SAXO1: variants seen among roughly 807,000 people sequenced by gnomAD.
SAXO1 encodes 4930500O09Rik.
In SAXO1, 21 loss-of-function variants were observed where a neutral mutation model predicts 17.5. The ratio of observed to expected loss-of-function variants is 1.20; its 90% CI spans 0.85 to 1.72. The LOEUF (loss-of-function observed/expected upper bound fraction) is 1.72. Among genes scored for constraint, SAXO1 ranks in the 40% most tolerant of loss-of-function variants. The pLI is 0.00. For synonymous variants in SAXO1, 274 were observed against 216.5 expected, an observed-to-expected ratio of 1.27 and a Z score of -2.33; for missense variants, 843 against 596.0, an observed-to-expected ratio of 1.41 and a Z score of -4.32.
intron 1 of SAXO1, among the ~76,000 whole-genome samples, chr9:18,971,960 T>A (rs1034040039): frequency 6.6e-6 from 1 of 152,050 alleles, no homozygotes; most frequent in Non-Finnish European, 1.5e-5. Flanking sequence ...AGAGCCAGGT[T>A]TTGCTTTTGT....
chr9:19,025,185 GTTTTTCTTT>G (rs1835422576), intron 1 of SAXO1, among the ~76,000 whole-genome samples: 1 of 152,002 alleles, frequency 6.6e-6, no homozygotes, highest in Non-Finnish European at 1.5e-5. Flanking sequence ...TAACGTGAAA[GTTTTTCTTT>G]TTTTTCTTGG....
intron 1 of SAXO1, among the ~76,000 whole-genome samples, chr9:19,017,491 A>C (rs946290342): frequency 2.0e-5 from 3 of 152,322 alleles, no homozygotes; most frequent in African/African-American, 7.2e-5. Flanking sequence ...CAGTTGTTGC[A>C]GCTACAGCAT....
chr9:19,046,759 G>A (rs1350017590), intron 1 of SAXO1, among the ~76,000 whole-genome samples: 1 of 151,940 alleles, frequency 6.6e-6, no homozygotes, highest in Admixed American at 6.6e-5. Flanking sequence ...CTAGCTACTT[G>A]GGAGGCTGGC....
chr9:18,970,969 T>C (rs906100793), intron 1 of SAXO1, among the ~76,000 whole-genome samples: 3 of 152,104 alleles, frequency 2.0e-5, no homozygotes, highest in African/African-American at 7.2e-5. Flanking sequence ...CAGGAGTCTT[T>C]CCTTCTCTAA....
intron 1 of SAXO1, among the ~76,000 whole-genome samples, chr9:18,978,874 C>A (rs1288246441): frequency 6.6e-6 from 1 of 152,182 alleles, no homozygotes; most frequent in African/African-American, 2.4e-5. Context: ...TCTTCATGGG[C>A]TCCCACTTTC....
rs750990247 is a variant in SAXO1 at position 18,928,123 on chromosome 9, G to A, written c.1354C>T (p.Gln452Ter). Residue 452 changes from glutamine (Q) to a stop codon, truncating the protein, a stop_gained, in exon 4 of 4, where the codon CAG becomes TAG. Coordinates refer to ENST00000380534, the MANE Select transcript of SAXO1 (RefSeq NM_153707.4). LOFTEE classifies it low-confidence loss of function (END_TRUNC). ...IYKPVSQAGS[Q>*]QSSHLSVDDS... ...TCTACAGAAAGATGGCTGCTCTGCT[G>A]AGAGCCTGCCTGGGAAACTGGTTTG... is the stretch of plus-strand genomic sequence containing the variant. 8.1e-6 allele frequency: 13 copies of A among 1,614,056 alleles called. 1 individual carries two copies. In the East Asian group the frequency reaches 2.0e-4, roughly 25 times the overall value.
upstream of SAXO1, among the ~76,000 whole-genome samples, chr9:19,037,847 T>A (rs1426236226): frequency 1.3e-5 from 2 of 152,200 alleles, no homozygotes; most frequent in Admixed American, 6.5e-5. Flanking sequence ...ACAACTGACA[T>A]AAATCTATCA....
At chr9:18,978,647 T>A (rs896441897) in intron 1 of SAXO1, among the ~76,000 whole-genome samples, 1 of 152,232 alleles carries the variant, frequency 6.6e-6, no homozygotes, top group Non-Finnish European at 1.5e-5. Context: ...GTGAAAATAA[T>A]TGCCCGTTAT....
At chr9:18,960,365 C>T (rs1215333163) in intron 1 of SAXO1, among the ~76,000 whole-genome samples, 1 of 152,146 alleles carries the variant, frequency 6.6e-6, no homozygotes, top group East Asian at 1.9e-4. Flanking sequence ...TATCTCTTCA[C>T]TACTCCTTTT....
chr9:19,039,968 A>C (rs560034907), intron 1 of SAXO1, among the ~76,000 whole-genome samples: 1 of 152,290 alleles, frequency 6.6e-6, no homozygotes, highest in East Asian at 1.9e-4. Context: ...ACCTCAGGTG[A>C]TCTGCCCGCC....
chr9:19,020,852 A>C (rs1835201131), intron 1 of SAXO1, among the ~76,000 whole-genome samples: 1 of 152,176 alleles, frequency 6.6e-6, no homozygotes, highest in Non-Finnish European at 1.5e-5. Flanking sequence ...AACAATGGTG[A>C]CATTGTTTTA....
intron 1 of SAXO1, among the ~76,000 whole-genome samples, chr9:18,970,506 A>C (rs1231517069): frequency 6.6e-6 from 1 of 152,166 alleles, no homozygotes; most frequent in Non-Finnish European, 1.5e-5. Flanking sequence ...GTTCAGGCAA[A>C]GAACTGGAAG....
At chr9:19,036,339 T>G (rs1038404779), upstream of SAXO1, among the ~76,000 whole-genome samples, 6 of 151,974 alleles carry the variant, frequency 3.9e-5, no homozygotes, top group East Asian at 1.2e-3. Context: ...CTGCAGAAAT[T>G]TGCATAAGTG....
chr9:19,034,391 T>A (rs180945130), upstream of SAXO1, among the ~76,000 whole-genome samples: 440 of 151,500 alleles, frequency 2.9e-3, 8 homozygotes, highest in Admixed American at 0.027. Context: ...GTTTTCATAT[T>A]TTTTAATGGT....
At chr9:19,040,848 C>G (rs139105208) in intron 1 of SAXO1, among the ~76,000 whole-genome samples, 182 of 151,884 alleles carry the variant, frequency 1.2e-3, no homozygotes, top group African/African-American at 4.0e-3. Context: ...TGGAAATACT[C>G]TAAAATTGAG....
At chr9:18,954,310 T>TG (rs1367658874) in intron 1 of SAXO1, among the ~76,000 whole-genome samples, 4 of 152,042 alleles carry the variant, frequency 2.6e-5, no homozygotes, top group Non-Finnish European at 4.4e-5. Flanking sequence ...TAACAAAACT[T>TG]GGAGCATTGG....
At chr9:19,016,081 C>T (rs1365157315) in intron 1 of SAXO1, among the ~76,000 whole-genome samples, 2 of 152,176 alleles carry the variant, frequency 1.3e-5, no homozygotes, top group Non-Finnish European at 2.9e-5. Flanking sequence ...AGCTTTGTCC[C>T]TCTCCAAGGA....
chr9:18,965,642 T>C (rs771115011), intron 1 of SAXO1, among the ~76,000 whole-genome samples: 5 of 152,118 alleles, frequency 3.3e-5, no homozygotes, highest in East Asian at 1.9e-4. Flanking sequence ...ATGTGTGTCT[T>C]TGCATGTGAG....
chr9:18,987,374 C>T (rs1833636618), intron 1 of SAXO1, among the ~76,000 whole-genome samples: 1 of 152,096 alleles, frequency 6.6e-6, no homozygotes, highest in South Asian at 2.1e-4. Context: ...AGGGAGCCTT[C>T]GATTTTTCAT....
Sources: allele counts gnomAD v4.1 joint callset (sites outside exome capture counted in the v4.1 genomes callset), GRCh38; gene constraint gnomAD v4.1.1; transcripts MANE v1.5; gene names NCBI Gene and HGNC (gene_info 2026-07-23, HGNC 2026-07-21).